SCAI: variants seen among roughly 807,000 people sequenced by gnomAD.
The protein encoded by SCAI is protein SCAI.
A neutral mutation model predicts 92.2 loss-of-function variants in SCAI; 24 were observed. The ratio of observed to expected loss-of-function variants is 0.26; its 90% confidence interval spans 0.19 to 0.37. SCAI has a LOEUF of 0.37. Ranked by LOEUF, SCAI falls within the 10% of genes least tolerant of loss-of-function variation. The pLI, the probability that SCAI is intolerant of heterozygous loss-of-function variation, is 1.00. For missense variants in SCAI, 450 were observed against 736.2 expected, an observed-to-expected ratio of 0.61 and a Z score of 4.50; for synonymous variants, 261 against 258.6, an observed-to-expected ratio of 1.01 and a Z score of -0.09.
Position 124,946,406 on chromosome 9 carries a change from T to A in SCAI, c.*6401A>T, listed in dbSNP as rs1831145626. 6.6e-6 allele frequency: 1 copy of A among 152,194 alleles called. No homozygotes were observed. Among genetic ancestry groups the A allele is most frequent in the Non-Finnish European group, 1.5e-5 (1 of 68,028 alleles). 9.4% of individuals were successfully genotyped at this position (152,194 alleles called of 1,614,324 possible). A position where few individuals can be genotyped will look rare whatever the true frequency, so the allele number is the denominator to read the frequency against. On this transcript the variant is annotated 3_prime_UTR_variant, in exon 18 of 18. Transcript: ENST00000336505. This position sits in a 1 kb window ranked among gnomAD's most constrained non-coding sequence, Gnocchi z 4.0. ...CATTTTTTTGGGTGGTAAAACAGAC[T>A]CCTGAGATAATTTCTCTATTTTAAG...
At chr9:125,080,593 GC>G (rs767158668) in intron 2 of SCAI, among the ~76,000 whole-genome samples, 14 of 152,246 alleles carry the variant, frequency 9.2e-5, no homozygotes, top group Non-Finnish European at 1.8e-4. Context: ...TGAATTACTA[GC>G]TATTTTACTT....
chr9:125,078,401 G>A (rs137949842), intron 2 of SCAI, among the ~76,000 whole-genome samples: 249 of 152,118 alleles, frequency 1.6e-3, no homozygotes, highest in Non-Finnish European at 1.7e-3. Context: ...GGTGGCACAT[G>A]CCTGTAATCC....
intron 17 of SCAI, among the ~76,000 whole-genome samples, chr9:124,964,724 A>T (rs1042893312): frequency 2.6e-5 from 4 of 152,248 alleles, no homozygotes; most frequent in Admixed American, 6.5e-5. Context: ...AAAAAACTTT[A>T]AAAGGTAGTC....
intron 2 of SCAI, among the ~76,000 whole-genome samples, chr9:125,123,815 C>T (rs35935349): frequency 0.23 from 35,669 of 152,140 alleles, 4,705 homozygotes; most frequent in Non-Finnish European, 0.3. Flanking sequence ...GTCCTAACTG[C>T]CACTTTGCAG....
At chr9:125,100,661 T>A (rs1834658808) in intron 2 of SCAI, among the ~76,000 whole-genome samples, 1 of 152,160 alleles carries the variant, frequency 6.6e-6, no homozygotes, top group African/African-American at 2.4e-5. Flanking sequence ...CAGTACAAAT[T>A]ATATAAATTA....
intron 3 of SCAI, among the ~76,000 whole-genome samples, chr9:125,038,142 A>C (rs1400475490): frequency 6.6e-6 from 1 of 152,166 alleles, no homozygotes; most frequent in Non-Finnish European, 1.5e-5. Context: ...CTGTAGTGCT[A>C]GCTACTCGGG....
At chr9:125,056,266 G>C (rs12003558) in intron 2 of SCAI, among the ~76,000 whole-genome samples, 1,860 of 152,218 alleles carry the variant, frequency 0.012, 25 homozygotes, top group African/African-American at 0.041. Context: ...AGGAGTTCAA[G>C]ACCAGCCTGG....
intron 13 of SCAI, 76 bp downstream of exon 13, chr9:124,999,815 C>A (rs968779486): frequency 5.1e-5 from 39 of 758,948 alleles, no homozygotes; most frequent in Non-Finnish European, 8.0e-5. Flanking sequence ...AAAAACTCCC[C>A]ATTTTACTTA....
At chr9:125,126,392 GGT>G (rs3222316) in intron 2 of SCAI, among the ~76,000 whole-genome samples, 3,205 of 114,846 alleles carry the variant, frequency 0.028, 122 homozygotes, top group East Asian at 0.18. Flanking sequence ...GTGAGTTGGG[GGT>G]GTGTGTGTGT....
intron 2 of SCAI, among the ~76,000 whole-genome samples, chr9:125,121,972 G>C (rs1215144370): frequency 6.6e-6 from 1 of 152,150 alleles, no homozygotes; most frequent in Non-Finnish European, 1.5e-5. Flanking sequence ...CAATTTCACT[G>C]ACACCTCTAC....
chr9:125,088,657 T>G (rs1043452512), intron 2 of SCAI, among the ~76,000 whole-genome samples: 2 of 152,180 alleles, frequency 1.3e-5, no homozygotes, highest in Non-Finnish European at 2.9e-5. Flanking sequence ...TCTTAATTTT[T>G]TGTAGAGATG....
At chr9:125,007,815 T>A (rs978902673) in intron 9 of SCAI, among the ~76,000 whole-genome samples, 3 of 151,840 alleles carry the variant, frequency 2.0e-5, no homozygotes, top group African/African-American at 7.3e-5. Context: ...ATGACCAACA[T>A]CCAGCTAAGG....
chr9:124,986,160 G>A lies in SCAI; in HGVS notation c.1326+8774C>T, dbSNP rs558787556. On this transcript the variant is annotated intron_variant, in intron 14 of 17. Transcript: ENST00000336505. ...CAAAAAATTAGCTGGGTGTGGTGGC[G>A]GGCACCTGCAGTCCCAGCTACTTGG... is the stretch of plus-strand genomic sequence containing the variant. Among the ~76,000 whole-genome samples the A allele has an allele frequency of 5.3e-5, 8 of 151,588 alleles. No homozygotes were observed. The East Asian group carries it at 1.2e-3, about 22-fold the overall frequency.
intron 3 of SCAI, among the ~76,000 whole-genome samples, chr9:125,030,210 G>A (rs1198402086): frequency 6.6e-6 from 1 of 152,162 alleles, no homozygotes; most frequent in Non-Finnish European, 1.5e-5. Context: ...TGAACCTGGT[G>A]ACTTATAGTA....
In SCAI at chr9:125,020,683, T is replaced by A; in HGVS notation, c.599A>T (p.Asp200Val). The change falls in exon 7 of 18, where the codon GAT becomes GTT. Residue 200 changes from aspartate to valine, a missense_variant. Around this residue, in one of 3 missense-constraint regions of SCAI, gnomAD observed 360 missense variants for 601.8 expected, o/e 0.60. Transcript: ENST00000336505. ...TTAAAGTGTATTTACCTTTACCAGA[T>A]CCTTTACAACATCCATTTTGTTGAG... ...LLLNKMDVVK[D>V]LVKELSDEIE... 7.0e-7 allele frequency: 1 copy of A among 1,429,920 alleles called. No homozygotes were observed. 88.6% of individuals were successfully genotyped at this position (1,429,920 alleles called of 1,614,324 possible).
intron 13 of SCAI, 102 bp downstream of exon 13, chr9:124,999,789 T>A: frequency 9.3e-6 from 6 of 643,214 alleles, no homozygotes; most frequent in Non-Finnish European, 1.3e-5. Flanking sequence ...TCTAAGGGAA[T>A]CATTCTAGTA....
chr9:125,051,374 A>G (rs1403890734), intron 3 of SCAI, among the ~76,000 whole-genome samples: 3 of 152,214 alleles, frequency 2.0e-5, no homozygotes, highest in African/African-American at 4.8e-5. Flanking sequence ...CACTGAAAAT[A>G]TATCTGTGGT....
At chr9:124,975,556 T>C (rs568698687) in intron 15 of SCAI, among the ~76,000 whole-genome samples, 56 of 152,348 alleles carry the variant, frequency 3.7e-4, no homozygotes, top group African/African-American at 1.1e-3. Flanking sequence ...TTCTCAGCCA[T>C]TGAAGAAATG....
Position 124,982,771 on chromosome 9 carries a change from C to T in SCAI, c.1327-6585G>A, listed in dbSNP as rs190571828. 3.3e-3 allele frequency among the ~76,000 whole-genome samples: 506 copies of T among 151,748 alleles called. 8 individuals are homozygous for T. The highest frequency in any genetic ancestry group is 1.0e-3 in the Non-Finnish European group (68 of 67,948). On this transcript the variant is annotated intron_variant, in intron 14 of 17. Transcript: ENST00000336505. ...AAAGGAAATAATTTTGATAACTTTC[C>T]TACATTTCTAGCCAGTGATGGGGCT...
Sources: gnomAD v4.1 joint callset for allele counts (sites outside exome capture counted in the v4.1 genomes callset) on GRCh38, gnomAD v4.1.1 for gene constraint, gnomAD v4.1.1 regional missense constraint, Gnocchi (gnomAD v3.1) non-coding constraint, MANE v1.5 for transcripts, NCBI Gene and HGNC (gene_info 2026-07-23, HGNC 2026-07-21) for gene names.